Variants in KLHL1 observed in about 807,000 individuals in gnomAD.
KLHL1 encodes the protein kelch-like protein 1.
KLHL1 carries 47 observed loss-of-function variants against 77.7 expected under a neutral mutation model. The observed-to-expected ratio is 0.60, with a 90% CI of 0.48 to 0.77. The LOEUF (loss-of-function observed/expected upper bound fraction) is 0.77, where lower values mean the gene tolerates loss of function less well. KLHL1 is among the 30% of genes least tolerant of loss of function. The pLI is 0.00. For synonymous variants in KLHL1, 360 were observed against 325.2 expected (o/e 1.11, Z -1.15); for missense variants, 925 against 910.8 (o/e 1.02, Z -0.20).
rs57875746 is a variant in KLHL1, at chr13:69,766,623, C to A, written c.1640-26067G>T. Among the ~76,000 whole-genome samples, 1,253 of 152,108 alleles carry A rather than the reference C, an allele frequency of 8.2e-3. 9 individuals carry two copies. Among genetic ancestry groups the A allele is most frequent in the East Asian group, 0.042 (216 of 5,172 alleles). On this transcript the variant is annotated intron_variant, in intron 7 of 10. Transcript: ENST00000377844. ...GGCAGTATGTATAAATATCCTTTGT[C>A]TTGTCAAGGAGGAAATTCTGGAAAA... is the stretch of plus-strand genomic sequence containing the variant.
chr13:70,068,158 G>C (rs565260792), intron 1 of KLHL1, among the ~76,000 whole-genome samples: 1 of 151,744 alleles, frequency 6.6e-6, no homozygotes, highest in African/African-American at 2.4e-5. Context: ...TGGCTAACAC[G>C]GTGAAAACCC....
At chr13:69,891,027 C>T (rs988259656) in intron 4 of KLHL1, among the ~76,000 whole-genome samples, 1 of 151,978 alleles carries the variant, frequency 6.6e-6, no homozygotes, top group Non-Finnish European at 1.5e-5. Context: ...GTTATCAGCT[C>T]TTAGGAAATA....
intron 1 of KLHL1, among the ~76,000 whole-genome samples, chr13:70,072,800 T>C (rs1042150558): frequency 2.0e-5 from 3 of 152,054 alleles, no homozygotes; most frequent in Admixed American, 6.6e-5. Flanking sequence ...CTTTTTCAAC[T>C]TGGTAAAAAA....
chr13:70,041,191 T>C (rs916014911), intron 1 of KLHL1, among the ~76,000 whole-genome samples: 1 of 152,204 alleles, frequency 6.6e-6, no homozygotes, highest in Admixed American at 6.5e-5. Context: ...TTATAATAAC[T>C]GTTTTAGAAT....
intron 1 of KLHL1, among the ~76,000 whole-genome samples, chr13:70,003,456 G>T (rs1381355262): frequency 1.3e-5 from 2 of 151,566 alleles, no homozygotes; most frequent in African/African-American, 4.8e-5. Context: ...ATCAAATGAG[G>T]TGTGCATCAT....
chr13:70,052,426 T>G (rs886456892), intron 1 of KLHL1, among the ~76,000 whole-genome samples: 7 of 151,918 alleles, frequency 4.6e-5, no homozygotes, highest in African/African-American at 1.7e-4. Flanking sequence ...AGACATCTGT[T>G]TTGATAATAG....
At chr13:69,856,431 T>G (rs1480174362) in intron 5 of KLHL1, among the ~76,000 whole-genome samples, 2 of 152,062 alleles carry the variant, frequency 1.3e-5, no homozygotes, top group Admixed American at 6.6e-5. Context: ...AGTCTTTTGC[T>G]CTGATCCAGG....
intron 6 of KLHL1, among the ~76,000 whole-genome samples, chr13:69,798,518 T>C (rs1293099228): frequency 6.6e-6 from 1 of 152,120 alleles, no homozygotes; most frequent in Non-Finnish European, 1.5e-5. Context: ...TAGGAAATTA[T>C]TGTTATTGTT....
At chr13:70,027,352 C>T (rs1467989426) in intron 1 of KLHL1, among the ~76,000 whole-genome samples, 1 of 149,598 alleles carries the variant, frequency 6.7e-6, no homozygotes. Flanking sequence ...ACCATAGGAG[C>T]GTAAATCCCT....
At chr13:69,903,513 AG>A (rs1309471520) in intron 4 of KLHL1, among the ~76,000 whole-genome samples, 5 of 176 alleles carry the variant, frequency 0.028, no homozygotes, top group Admixed American at 0.25. Flanking sequence ...TCTTCGTTCT[AG>A]TTCTCTAGAA....
At chr13:70,079,985 C>T (rs1360399939) in intron 1 of KLHL1, among the ~76,000 whole-genome samples, 2 of 152,056 alleles carry the variant, frequency 1.3e-5, no homozygotes, top group Non-Finnish European at 2.9e-5. Flanking sequence ...ATGGTGAATC[C>T]CATAGTTCTT....
intron 2 of KLHL1, among the ~76,000 whole-genome samples, chr13:69,968,161 G>A (rs9572322): frequency 0.61 from 92,935 of 151,546 alleles, 28,566 homozygotes; most frequent in South Asian, 0.65. Flanking sequence ...CATCAACAGC[G>A]AGTTAAGACC....
chr13:69,836,819 CTGT>C (rs1243922181), intron 6 of KLHL1, among the ~76,000 whole-genome samples: 1 of 151,576 alleles, frequency 6.6e-6, no homozygotes, highest in Non-Finnish European at 1.5e-5. Context: ...GTACCATAGG[CTGT>C]TACTACTGAC....
chr13:69,770,526 A>G (rs1875514316), intron 7 of KLHL1, among the ~76,000 whole-genome samples: 1 of 152,148 alleles, frequency 6.6e-6, no homozygotes, highest in African/African-American at 2.4e-5. Flanking sequence ...TTGTTGAAAA[A>G]TGAAGTCTTA....
intron 7 of KLHL1, among the ~76,000 whole-genome samples, chr13:69,770,452 T>C (rs928689792): frequency 2.0e-5 from 3 of 152,220 alleles, no homozygotes; most frequent in African/African-American, 7.2e-5. Context: ...GAGTTTATAG[T>C]TTCTGGACAG....
At chr13:70,040,853 C>A (rs898193893) in intron 1 of KLHL1, among the ~76,000 whole-genome samples, 1 of 152,096 alleles carries the variant, frequency 6.6e-6, no homozygotes, top group Non-Finnish European at 1.5e-5. Context: ...ATTTATGGAA[C>A]CCCAAAGGCA....
At chr13:69,984,182 A>C (rs989001941) in intron 1 of KLHL1, among the ~76,000 whole-genome samples, 2 of 152,102 alleles carry the variant, frequency 1.3e-5, no homozygotes, top group Non-Finnish European at 2.9e-5. Context: ...TTAAAAAGAA[A>C]TTATTTAGGC....
chr13:70,013,867 C>T (rs999412312), intron 1 of KLHL1, among the ~76,000 whole-genome samples: 3 of 152,068 alleles, frequency 2.0e-5, no homozygotes, highest in African/African-American at 4.8e-5. Context: ...TTATAAAGCA[C>T]TTTCTCGCTA....
chr13:69,809,256 C>T lies in KLHL1; in HGVS notation c.1415-12294G>A, dbSNP rs144493865. ...TATAAGTCCCAAGGCACACAGTCAT[C>T]AGACTATGCAAGGTCAATGCAAAAG... is the stretch of plus-strand genomic sequence containing the variant. On this transcript the variant is annotated intron_variant, in intron 6 of 10. Coordinates refer to ENST00000377844, the MANE Select transcript of KLHL1 (RefSeq NM_020866.3). Among the ~76,000 whole-genome samples the T allele has an allele frequency of 6.1e-3, 934 of 152,168 alleles. 7 individuals are homozygous for T. Among genetic ancestry groups the T allele is most frequent in the African/African-American group, 0.022 (893 of 41,524 alleles).
Sources: gnomAD v4.1 joint callset for allele counts (sites outside exome capture counted in the v4.1 genomes callset) on GRCh38, gnomAD v4.1.1 for gene constraint, MANE v1.5 for transcripts, NCBI Gene and HGNC (gene_info 2026-07-23, HGNC 2026-07-21) for gene names.